The following TSPAN5 variants were observed in gnomAD, a reference collection of about 807,000 sequenced individuals.
The protein encoded by TSPAN5 is tetraspanin 5, also known as tetraspanin-5.
A neutral mutation model predicts 37.1 loss-of-function variants in TSPAN5; 10 were observed. That is an observed-to-expected ratio of 0.27 (90% CI 0.17 to 0.46). The LOEUF (loss-of-function observed/expected upper bound fraction) is 0.46, where lower values mean the gene tolerates loss of function less well. Among genes scored for constraint, TSPAN5 ranks in the 20% least tolerant of loss-of-function variants. The pLI, the probability that TSPAN5 is intolerant of heterozygous loss-of-function variation, is 1.00. For missense variants in TSPAN5, 195 were observed against 326.6 expected, an observed-to-expected ratio of 0.60 and a Z score of 3.11; for synonymous variants, 110 against 118.9, an observed-to-expected ratio of 0.93 and a Z score of 0.48.
At chr4:98,580,921 A>G (rs1015548226) in intron 1 of TSPAN5, among the ~76,000 whole-genome samples, 1 of 152,028 alleles carries the variant, frequency 6.6e-6, no homozygotes, top group Admixed American at 6.6e-5. Context: ...AAAACAAAAG[A>G]TTCTGGCTAG....
chr4:98,622,384 C>T (rs1756500327), intron 1 of TSPAN5, among the ~76,000 whole-genome samples: 1 of 152,202 alleles, frequency 6.6e-6, no homozygotes, highest in Non-Finnish European at 1.5e-5. Flanking sequence ...GCCTCATGCA[C>T]ACATTTTATT....
chr4:98,640,057 T>A (rs1756930382), intron 1 of TSPAN5, among the ~76,000 whole-genome samples: 1 of 152,046 alleles, frequency 6.6e-6, no homozygotes, highest in Non-Finnish European at 1.5e-5. Flanking sequence ...TATTTTTACT[T>A]CTCAGACAGT....
intron 1 of TSPAN5, among the ~76,000 whole-genome samples, chr4:98,623,658 AC>A (rs1481970818): frequency 6.6e-6 from 1 of 152,242 alleles, no homozygotes; most frequent in Non-Finnish European, 1.5e-5. Flanking sequence ...GATTAAATAA[AC>A]ATTGCCTTTA....
In TSPAN5 at chr4:98,472,503, A is replaced by G; in HGVS notation, c.*19T>C. The G allele has an allele frequency of 6.2e-7, 1 of 1,613,652 alleles. No homozygotes were observed. The highest frequency in any genetic ancestry group is 8.5e-7 in the Non-Finnish European group (1 of 1,179,716). On this transcript the variant is annotated 3_prime_UTR_variant, in exon 8 of 8. Coordinates refer to ENST00000305798, the MANE Select transcript of TSPAN5 (RefSeq NM_005723.4). ...AAGCTGGGTCTGTCCAGTGTCTTGC[A>G]GCAGCGGTTGCAGGGGGTCTACCAG... is the stretch of plus-strand genomic sequence containing the variant.
At position 98,478,781 on chromosome 4, in the gene TSPAN5, A is replaced by C. The variant is rs201661712; in HGVS notation, c.480T>G (p.Asp160Glu). The C allele has an allele frequency of 6.2e-7, 1 of 1,614,052 alleles. No homozygotes were observed. Among genetic ancestry groups the C allele is most frequent in the East Asian group, 2.2e-5 (1 of 44,878 alleles). Residue 160 changes from aspartate (D) to glutamate (E), a missense_variant, in exon 5 of 8, where the codon GAT (aspartate) becomes GAG (glutamate). Asp to Glu is a conservative substitution (Grantham distance 45, BLOSUM62 2). Coordinates refer to ENST00000305798, the MANE Select transcript of TSPAN5 (RefSeq NM_005723.4). ...YWQCCGAFGA[D>E]DWNLNIYFNC... ...TGAAGTAAATATTTAGGTTCCAATCATCAGCTCCAAAAGCCCCACAGCACT... is the reference window on the plus strand; with the variant it reads ...TGAAGTAAATATTTAGGTTCCAATCCTCAGCTCCAAAAGCCCCACAGCACT...
Position 98,626,886 on chromosome 4 carries a change from GTTTTT to G in TSPAN5, c.81+31255_81+31259del, listed in dbSNP as rs34770397. 2.9e-3 allele frequency among the ~76,000 whole-genome samples: 245 copies of G among 83,490 alleles called. 4 individuals are homozygous for G. In the Middle Eastern group the frequency reaches 0.078, roughly 26 times the overall value. 54.8% of individuals were successfully genotyped at this position (83,490 alleles called of 152,430 possible). ...TAAAATGTAAGCTTCATGAGAGCAG[GTTTTT>G]TTTTTTTTTTTTTTTTTGGTCTGCT... is the stretch of plus-strand genomic sequence containing the variant. On this transcript the variant is annotated intron_variant, in intron 1 of 7. Coordinates refer to ENST00000305798, the MANE Select transcript of TSPAN5 (RefSeq NM_005723.4).
At chr4:98,524,661 C>T (rs1375170393) in intron 1 of TSPAN5, among the ~76,000 whole-genome samples, 1 of 151,648 alleles carries the variant, frequency 6.6e-6, no homozygotes, top group Non-Finnish European at 1.5e-5. Flanking sequence ...CACTTTAGCT[C>T]TGGTAAATGG....
intron 1 of TSPAN5, among the ~76,000 whole-genome samples, chr4:98,618,144 C>T (rs1035213911): frequency 1.3e-5 from 2 of 152,160 alleles, no homozygotes; most frequent in African/African-American, 4.8e-5. Flanking sequence ...TATCTGGCAG[C>T]TTTAACTCCC....
rs150423015 is a variant in TSPAN5 at position 98,526,521 on chromosome 4, T to C, written c.82-18793A>G. On this transcript the variant is annotated intron_variant, in intron 1 of 7. Transcript: ENST00000305798. ...GCTATGTTCACAGGTTGATAAATGA[T>C]GGCACAATGGAGTTCATGCCCTGAT... Among the ~76,000 whole-genome samples the C allele has an allele frequency of 4.4e-3, 668 of 152,316 alleles. 5 individuals are homozygous for C. Among genetic ancestry groups the C allele is most frequent in the African/African-American group, 0.015 (637 of 41,562 alleles).
In TSPAN5 at chr4:98,472,434, T is replaced by G; in HGVS notation, c.*88A>C. 8.6e-7 allele frequency: 1 copy of G among 1,164,370 alleles called. No individual in the cohort carries two copies. The highest frequency in any genetic ancestry group is 1.3e-6 in the Non-Finnish European group (1 of 785,920). 72.1% of individuals were successfully genotyped at this position (1,164,370 alleles called of 1,614,324 possible). A position where few individuals can be genotyped will look rare whatever the true frequency, so the allele number is the denominator to read the frequency against. ...ACTGCAGGCTGCATCTGTGATTAGGTCCATGCAGCTCGAAGATCAGTTCGG... is the reference window on the plus strand; with the variant it reads ...ACTGCAGGCTGCATCTGTGATTAGGGCCATGCAGCTCGAAGATCAGTTCGG... On this transcript the variant is annotated 3_prime_UTR_variant, in exon 8 of 8. Coordinates refer to ENST00000305798, the MANE Select transcript of TSPAN5 (RefSeq NM_005723.4).
At chr4:98,549,149 C>T (rs527613870) in intron 1 of TSPAN5, among the ~76,000 whole-genome samples, 15 of 152,252 alleles carry the variant, frequency 9.9e-5, no homozygotes, top group African/African-American at 2.9e-4. Context: ...GTTGTACTAA[C>T]GTATATTCCC....
At chr4:98,572,962 C>T (rs1379016463) in intron 1 of TSPAN5, among the ~76,000 whole-genome samples, 1 of 152,196 alleles carries the variant, frequency 6.6e-6, no homozygotes, top group Non-Finnish European at 1.5e-5. Flanking sequence ...CACCATCTGT[C>T]TCTAAGTCCT....
chr4:98,480,314 T>A (rs1453734788), intron 4 of TSPAN5, among the ~76,000 whole-genome samples: 2 of 152,246 alleles, frequency 1.3e-5, no homozygotes, highest in Admixed American at 1.3e-4. Flanking sequence ...TTTTAGAGGT[T>A]AACTTTTCAT....
intron 1 of TSPAN5, among the ~76,000 whole-genome samples, chr4:98,511,049 G>A (rs1753594213): frequency 6.6e-6 from 1 of 152,092 alleles, no homozygotes; most frequent in Non-Finnish European, 1.5e-5. Context: ...TGAAACCCAG[G>A]GAGGCCCACT....
At chr4:98,487,189 C>A (rs1441013440) in intron 2 of TSPAN5, among the ~76,000 whole-genome samples, 1 of 147,732 alleles carries the variant, frequency 6.8e-6, no homozygotes. Context: ...AAACTGCTTT[C>A]TTTCCAACAT....
At position 98,535,786 on chromosome 4, in the gene TSPAN5, C is replaced by T. The variant is rs549801149; in HGVS notation, c.82-28058G>A. On this transcript the variant is annotated intron_variant, in intron 1 of 7. Transcript: ENST00000305798. ...TCTTTCTTTATTTCATTAAGTTGAT[C>T]TTCAATCATTGCTATCCTTTCTTTT... Among the ~76,000 whole-genome samples the T allele has an allele frequency of 2.6e-5, 4 of 152,262 alleles. No homozygotes were observed. In the South Asian group the frequency reaches 8.3e-4, roughly 32 times the overall value.
chr4:98,622,776 G>C (rs951152896), intron 1 of TSPAN5, among the ~76,000 whole-genome samples: 1 of 152,172 alleles, frequency 6.6e-6, no homozygotes, highest in Admixed American at 6.6e-5. Flanking sequence ...GCATGGAAGA[G>C]ATTCCATGAG....
intron 1 of TSPAN5, among the ~76,000 whole-genome samples, chr4:98,590,400 T>G (rs1041188418): frequency 6.6e-6 from 1 of 152,076 alleles, no homozygotes; most frequent in African/African-American, 2.4e-5. Flanking sequence ...ATCTTACAGG[T>G]GAGGACACTA....
Position 98,472,246 on chromosome 4 carries a change from C to A in TSPAN5, c.*276G>T, listed in dbSNP as rs1752601846. The A allele has an allele frequency of 3.0e-6, 1 of 336,906 alleles. No homozygotes were observed. Among genetic ancestry groups the A allele is most frequent in the East Asian group, 4.7e-5 (1 of 21,280 alleles). The allele number at this position is 336,906 out of a possible 1,614,324, so 20.9% of individuals were successfully genotyped here. On this transcript the variant is annotated 3_prime_UTR_variant, in exon 8 of 8. Coordinates refer to ENST00000305798, the MANE Select transcript of TSPAN5 (RefSeq NM_005723.4). ...AGTACATCTGGGTCCCCTACCCTCC[C>A]TTTTTTTCTTTTTTGGTAAGCATCT...
Sources: allele counts gnomAD v4.1 joint callset (sites outside exome capture counted in the v4.1 genomes callset), GRCh38; gene constraint gnomAD v4.1.1; transcripts MANE v1.5; gene names NCBI Gene and HGNC (gene_info 2026-07-23, HGNC 2026-07-21).